The following GABRB1 variants were observed in gnomAD, a reference collection of about 807,000 sequenced individuals.
GABRB1 encodes gamma-aminobutyric acid receptor subunit beta-1.
A neutral mutation model predicts 51.6 loss-of-function variants in GABRB1; 17 were observed. The ratio of observed to expected loss-of-function variants is 0.33; its 90% CI spans 0.23 to 0.49. The LOEUF (loss-of-function observed/expected upper bound fraction) is 0.49, where lower values mean the gene tolerates loss of function less well. Ranked by LOEUF, GABRB1 falls within the 20% of genes least tolerant of loss-of-function variation. The probability of loss-of-function intolerance (pLI) is 0.99; values close to 1 mark genes in which losing one functional copy is unlikely to be tolerated. For synonymous variants in GABRB1, 247 were observed against 218.9 expected (o/e 1.13, Z -1.14); for missense variants, 410 against 600.6 (o/e 0.68, Z 3.32).
chr4:47,037,395 A>C (rs1251037878), intron 3 of GABRB1, among the ~76,000 whole-genome samples: 1 of 152,154 alleles, frequency 6.6e-6, no homozygotes, highest in East Asian at 1.9e-4. Context: ...ATGTAAATAC[A>C]TTTTATTCTT....
chr4:47,294,011 C>G (rs376129640), intron 4 of GABRB1, among the ~76,000 whole-genome samples: 1 of 152,160 alleles, frequency 6.6e-6, no homozygotes, highest in East Asian at 1.9e-4. Context: ...TGCCCCAAAG[C>G]TACAACCCCT....
intron 8 of GABRB1, among the ~76,000 whole-genome samples, chr4:47,412,094 T>A (rs371346543): frequency 6.6e-6 from 1 of 152,186 alleles, no homozygotes; most frequent in Non-Finnish European, 1.5e-5. Context: ...TAATTGTTCT[T>A]ATGGGATCCT....
At chr4:47,387,984 G>A (rs538973700) in intron 5 of GABRB1, among the ~76,000 whole-genome samples, 34 of 152,244 alleles carry the variant, frequency 2.2e-4, no homozygotes, top group Admixed American at 2.0e-4. Flanking sequence ...AATAAAGCTC[G>A]GAAGGAGATC....
At chr4:47,214,642 GTATAT>G (rs1227717066) in intron 4 of GABRB1, among the ~76,000 whole-genome samples, 3 of 152,076 alleles carry the variant, frequency 2.0e-5, no homozygotes, top group Non-Finnish European at 4.4e-5. Context: ...AAGTGTTCAA[GTATAT>G]TATATTAAAT....
chr4:47,290,554 A>C (rs191835782), intron 4 of GABRB1, among the ~76,000 whole-genome samples: 2 of 152,338 alleles, frequency 1.3e-5, no homozygotes, highest in Non-Finnish European at 2.9e-5. Flanking sequence ...AGGGCTCAGA[A>C]GAAGACAGAA....
chr4:47,057,092 A>G (rs1206306033), intron 3 of GABRB1, among the ~76,000 whole-genome samples: 1 of 152,120 alleles, frequency 6.6e-6, no homozygotes, highest in Non-Finnish European at 1.5e-5. Flanking sequence ...GCGACAGAGC[A>G]AGACTCTGTC....
At chr4:47,256,781 C>CCCAT (rs1203723415) in intron 4 of GABRB1, among the ~76,000 whole-genome samples, 2 of 152,138 alleles carry the variant, frequency 1.3e-5, no homozygotes, top group Non-Finnish European at 2.9e-5. Flanking sequence ...GAAGTCCATA[C>CCCAT]CCATGATCTT....
chr4:47,123,905 T>TC (rs1715987474), intron 3 of GABRB1, among the ~76,000 whole-genome samples: 1 of 55,654 alleles, frequency 1.8e-5, no homozygotes, highest in African/African-American at 4.8e-5. Context: ...TATAATATAT[T>TC]ATATATTAAT....
chr4:47,131,355 CGCCATGTTGGCAGGCT>C (rs1716406801), intron 3 of GABRB1, among the ~76,000 whole-genome samples: 3 of 151,860 alleles, frequency 2.0e-5, no homozygotes, highest in Non-Finnish European at 4.4e-5. Flanking sequence ...GATGGGGTTT[CGCCATGTTGGCAGGCT>C]GGTCTCGAAC....
At chr4:47,045,642 C>T (rs1371512950) in intron 3 of GABRB1, among the ~76,000 whole-genome samples, 2 of 151,992 alleles carry the variant, frequency 1.3e-5, no homozygotes, top group East Asian at 3.9e-4. Flanking sequence ...CAAAGACAGC[C>T]TTCACATGGT....
At chr4:47,006,365 C>T (rs992243171) in intron 1 of GABRB1, among the ~76,000 whole-genome samples, 8 of 151,970 alleles carry the variant, frequency 5.3e-5, no homozygotes, top group African/African-American at 1.7e-4. Flanking sequence ...AGTGCATATT[C>T]CCACAGAATT....
At chr4:47,001,205 C>T (rs566733019) in intron 1 of GABRB1, among the ~76,000 whole-genome samples, 8 of 152,170 alleles carry the variant, frequency 5.3e-5, no homozygotes, top group East Asian at 3.9e-4. Context: ...TACAGTGGCG[C>T]GATCTGGGCT....
At chr4:47,347,921 G>T (rs917467065) in intron 5 of GABRB1, among the ~76,000 whole-genome samples, 9 of 152,238 alleles carry the variant, frequency 5.9e-5, no homozygotes, top group African/African-American at 2.2e-4. Context: ...ATTCATAATA[G>T]AACAAGAAAT....
At chr4:47,332,904 T>C (rs1386692048) in intron 5 of GABRB1, among the ~76,000 whole-genome samples, 2 of 151,832 alleles carry the variant, frequency 1.3e-5, no homozygotes, top group African/African-American at 4.8e-5. Context: ...AACTATTCTT[T>C]CTTTTATTTC....
chr4:47,176,842 T>G (rs1718724814), intron 4 of GABRB1, among the ~76,000 whole-genome samples: 1 of 152,132 alleles, frequency 6.6e-6, no homozygotes, highest in South Asian at 2.1e-4. Flanking sequence ...CTGGAACAGA[T>G]GGGTCCATGT....
chr4:47,298,757 A>T (rs961823177), intron 4 of GABRB1, among the ~76,000 whole-genome samples: 1 of 152,120 alleles, frequency 6.6e-6, no homozygotes, highest in Non-Finnish European at 1.5e-5. Flanking sequence ...TCATATGGAA[A>T]CAAAAAAGAA....
At chr4:47,105,703 A>G (rs1714938267) in intron 3 of GABRB1, among the ~76,000 whole-genome samples, 1 of 152,094 alleles carries the variant, frequency 6.6e-6, no homozygotes, top group African/African-American at 2.4e-5. Flanking sequence ...GAAACATCCG[A>G]GTGAGCCTTC....
chr4:47,154,255 T>C (rs1320527912), intron 3 of GABRB1, among the ~76,000 whole-genome samples: 1 of 57,822 alleles, frequency 1.7e-5, no homozygotes, highest in Admixed American at 2.0e-4. Flanking sequence ...CAAATTATGG[T>C]TGTTTTTTTT....
chr4:47,276,271 T>C (rs1026032425), intron 4 of GABRB1, among the ~76,000 whole-genome samples: 2 of 152,108 alleles, frequency 1.3e-5, no homozygotes, highest in African/African-American at 4.8e-5. Context: ...GAGCTCAGAA[T>C]TTTTGCTTAT....
Sources: allele counts gnomAD v4.1 joint callset (sites outside exome capture counted in the v4.1 genomes callset), GRCh38; gene constraint gnomAD v4.1.1; transcripts MANE v1.5; gene names NCBI Gene and HGNC (gene_info 2026-07-23, HGNC 2026-07-21).